The following FMN1 variants were observed in gnomAD, a reference collection of about 807,000 sequenced individuals.
The protein encoded by FMN1 is formin 1.
A neutral mutation model predicts 132.4 loss-of-function variants in FMN1; 110 were observed. The ratio of observed to expected loss-of-function variants is 0.83; its 90% confidence interval spans 0.71 to 0.97. The LOEUF (loss-of-function observed/expected upper bound fraction) is 0.97. Among genes scored for constraint, FMN1 ranks in the 50% least tolerant of loss-of-function variants. The pLI is 0.00. For missense variants in FMN1, 1,792 were observed against 1,705.3 expected, an observed-to-expected ratio of 1.05 and a Z score of -0.90; for synonymous variants, 722 against 651.7, an observed-to-expected ratio of 1.11 and a Z score of -1.64.
chr15:33,124,183 G>T (rs1010636292), intron 4 of FMN1, among the ~76,000 whole-genome samples: 1 of 152,148 alleles, frequency 6.6e-6, no homozygotes, highest in Admixed American at 6.5e-5. Flanking sequence ...GAGTGCAAAG[G>T]GTGAGACGTG....
At chr15:32,967,321 G>A (rs1293678644) in intron 8 of FMN1, among the ~76,000 whole-genome samples, 1 of 152,196 alleles carries the variant, frequency 6.6e-6, no homozygotes, top group Non-Finnish European at 1.5e-5. Flanking sequence ...TCTCAGGGAA[G>A]GAAGTGAAGG....
chr15:33,161,714 C>A (rs562722174), intron 3 of FMN1, among the ~76,000 whole-genome samples: 1 of 151,976 alleles, frequency 6.6e-6, no homozygotes, highest in African/African-American at 2.4e-5. Flanking sequence ...GTCAGGAGAT[C>A]GAGACCACCC....
At chr15:32,866,401 AG>A (rs1213271807) in intron 16 of FMN1, among the ~76,000 whole-genome samples, 1 of 152,210 alleles carries the variant, frequency 6.6e-6, no homozygotes, top group African/African-American at 2.4e-5. Context: ...GTGAAAAAAA[AG>A]CATTTTGTAT....
At chr15:32,964,418 T>TA (rs779588771) in intron 8 of FMN1, among the ~76,000 whole-genome samples, 161 bp from the exon 9 acceptor site, 9 of 152,242 alleles carry the variant, frequency 5.9e-5, no homozygotes, top group Non-Finnish European at 1.2e-4. Flanking sequence ...ACGCATTTGT[T>TA]AAAGTCAAAA....
intron 5 of FMN1, among the ~76,000 whole-genome samples, chr15:33,076,074 A>C (rs1001683444): frequency 4.6e-5 from 7 of 152,162 alleles, no homozygotes; most frequent in African/African-American, 1.7e-4. Context: ...ATAATGTAAA[A>C]GGGGAGAGAA....
chr15:33,123,972 T>C (rs1480717559), intron 4 of FMN1, among the ~76,000 whole-genome samples: 12 of 152,224 alleles, frequency 7.9e-5, no homozygotes. Context: ...AATTAGATTC[T>C]TCCAGCTCAG....
intron 19 of FMN1, among the ~76,000 whole-genome samples, chr15:32,777,418 G>A (rs2056454077): frequency 8.8e-6 from 1 of 113,284 alleles, no homozygotes. Context: ...CATTCTGTAG[G>A]TTTTTTTCCA....
intron 4 of FMN1, among the ~76,000 whole-genome samples, chr15:33,099,541 T>A (rs558287692): frequency 2.0e-5 from 3 of 152,276 alleles, no homozygotes; most frequent in African/African-American, 7.2e-5. Context: ...GAATGTATCA[T>A]GAAAGAGAAT....
intron 5 of FMN1, among the ~76,000 whole-genome samples, chr15:33,088,398 AG>A (rs1566904926): frequency 6.6e-6 from 1 of 152,230 alleles, no homozygotes; most frequent in Non-Finnish European, 1.5e-5. Context: ...GAAGGAAGGC[AG>A]GGTATTCGGA....
At chr15:32,913,919 C>G (rs1204420883) in intron 10 of FMN1, among the ~76,000 whole-genome samples, 1 of 152,102 alleles carries the variant, frequency 6.6e-6, no homozygotes, top group Admixed American at 6.6e-5. Context: ...AACATAGGGT[C>G]TTAAAAAGAA....
intron 7 of FMN1, among the ~76,000 whole-genome samples, chr15:32,986,361 C>T (rs28510209): frequency 0.038 from 5,736 of 152,112 alleles, 373 homozygotes; most frequent in African/African-American, 0.13. Flanking sequence ...AATTCTAAAA[C>T]CCCACAGAGA....
At chr15:32,964,039 A>G (rs909188990) in intron 9 of FMN1, 68 bp downstream of exon 9, 2 of 1,139,734 alleles carry the variant, frequency 1.8e-6, no homozygotes, top group African/African-American at 3.2e-5. Context: ...ACACACACAC[A>G]CACACACACA....
chr15:33,028,688 G>A (rs933775510), intron 6 of FMN1, among the ~76,000 whole-genome samples: 6 of 152,044 alleles, frequency 3.9e-5, no homozygotes, highest in Admixed American at 3.9e-4. Flanking sequence ...AGAAATGTTC[G>A]GTTTCATCTG....
intron 7 of FMN1, among the ~76,000 whole-genome samples, chr15:32,995,134 T>G (rs1366980392): frequency 6.6e-6 from 1 of 152,090 alleles, no homozygotes; most frequent in African/African-American, 2.4e-5. Context: ...AAAACACATT[T>G]CTTAATAATA....
chr15:33,129,082 G>A (rs1430797824), intron 4 of FMN1, among the ~76,000 whole-genome samples: 1 of 152,140 alleles, frequency 6.6e-6, no homozygotes, highest in East Asian at 1.9e-4. Context: ...CAATCCTCTA[G>A]CTAGGCAGAA....
chr15:33,193,037 A>T (rs75043172), intron 2 of FMN1, among the ~76,000 whole-genome samples: 1 of 152,184 alleles, frequency 6.6e-6, no homozygotes, highest in Non-Finnish European at 1.5e-5. Flanking sequence ...ATACTGTCTC[A>T]CTACTCTTCT....
At chr15:33,076,514 G>C (rs1013592015) in intron 5 of FMN1, among the ~76,000 whole-genome samples, 2 of 152,140 alleles carry the variant, frequency 1.3e-5, no homozygotes, top group African/African-American at 4.8e-5. Flanking sequence ...ATCTAGGGAA[G>C]GTGGGGATTT....
At chr15:32,843,861 A>G (rs2058798236) in intron 17 of FMN1, among the ~76,000 whole-genome samples, 1 of 152,244 alleles carries the variant, frequency 6.6e-6, no homozygotes, top group African/African-American at 2.4e-5. Context: ...TGCTAAATTT[A>G]TAAAAGCACA....
chr15:32,798,230 C>T (rs181764699), intron 19 of FMN1, among the ~76,000 whole-genome samples: 1 of 149,872 alleles, frequency 6.7e-6, no homozygotes, highest in Admixed American at 6.6e-5. Flanking sequence ...CGTCTATATT[C>T]AGAGTTGAGG....
Sources: gnomAD v4.1 joint callset for allele counts (sites outside exome capture counted in the v4.1 genomes callset) on GRCh38, gnomAD v4.1.1 for gene constraint, MANE v1.5 for transcripts, NCBI Gene and HGNC (gene_info 2026-07-23, HGNC 2026-07-21) for gene names.